IRAG2: variants seen among roughly 807,000 people sequenced by gnomAD.
IRAG2 encodes the protein lymphoid restricted membrane protein.
IRAG2 carries 45 observed loss-of-function variants against 69.9 expected under a neutral mutation model. The observed-to-expected ratio is 0.64, with a 90% CI of 0.51 to 0.83. IRAG2 has a LOEUF of 0.83. Ranked by LOEUF, IRAG2 falls within the 40% of genes least tolerant of loss-of-function variation. The pLI is 0.00. For missense variants in IRAG2, 520 were observed against 587.0 expected, an observed-to-expected ratio of 0.89 and a Z score of 1.18; for synonymous variants, 193 against 202.4, an observed-to-expected ratio of 0.95 and a Z score of 0.40.
chr12:25,071,083 A>G (rs1490411844), intron 6 of IRAG2, among the ~76,000 whole-genome samples: 1 of 152,180 alleles, frequency 6.6e-6, no homozygotes, highest in Non-Finnish European at 1.5e-5. Flanking sequence ...GCAGCTAAGA[A>G]AAAGGAAATG....
Position 25,077,319 on chromosome 12 carries a change from T to TATATG in IRAG2, c.25-1921_25-1920insGATAT. On this transcript the variant is annotated intron_variant, in intron 6 of 21. Coordinates refer to ENST00000556887, the MANE Select transcript of IRAG2 (RefSeq NM_001366544.2). ...TATGAAATATATATGATATATATGA[T>TATATG]ATATATATGATATATATATGAAATA... Among the ~76,000 whole-genome samples, 2 of 27,730 alleles carry TATATG rather than the reference T, an allele frequency of 7.2e-5. 1 individual carries two copies. Among genetic ancestry groups the TATATG allele is most frequent in the East Asian group, 3.5e-3 (2 of 574 alleles). The allele number at this position is 27,730 out of a possible 152,430, so 18.2% of individuals were successfully genotyped here. A position where few individuals can be genotyped will look rare whatever the true frequency, so the allele number is the denominator to read the frequency against.
intron 19 of IRAG2, 44 bp downstream of exon 19, chr12:25,104,102 T>C (rs1447504728): frequency 2.6e-6 from 4 of 1,554,346 alleles, no homozygotes; most frequent in Admixed American, 1.7e-5. Flanking sequence ...CTTACTATTT[T>C]ATACTTGGGC....
At chr12:25,004,305 T>C (rs561248182), upstream of IRAG2, 220 of 1,217,370 alleles carry the variant, frequency 1.8e-4, no homozygotes, top group Non-Finnish European at 2.1e-4. Flanking sequence ...GCCTATACTT[T>C]AGCCACTTCA....
At chr12:25,044,515 T>C (rs957516717) in intron 16 of IRAG2, among the ~76,000 whole-genome samples, 4 of 152,122 alleles carry the variant, frequency 2.6e-5, no homozygotes, top group African/African-American at 9.7e-5. Context: ...GATTCAACTA[T>C]ATGCTGTCTC....
chr12:25,015,155 GTTTT>G (rs11352951), intron 3 of IRAG2: 2,775 of 889,868 alleles, frequency 3.1e-3, no homozygotes, highest in East Asian at 7.7e-3. Context: ...CACTGGTTTT[GTTTT>G]TTTTTTTTTT....
At chr12:25,081,377 T>C (rs1429966511) in intron 9 of IRAG2, among the ~76,000 whole-genome samples, 3 of 152,148 alleles carry the variant, frequency 2.0e-5, no homozygotes, top group Non-Finnish European at 4.4e-5. Flanking sequence ...GGCAGGAGAA[T>C]GGCGTGAACC....
exon 1 of IRAG2, chr12:25,004,636 A>T: frequency 8.1e-7 from 1 of 1,231,946 alleles, no homozygotes; most frequent in Non-Finnish European, 1.0e-6. Context: ...AACCCCATCC[A>T]CCTCTCACCT....
chr12:25,104,397 C>A lies in IRAG2; in HGVS notation c.1083C>A (p.Pro361=), dbSNP rs901324492. The A allele has an allele frequency of 6.2e-7, 1 of 1,613,288 alleles. No individual in the cohort carries two copies. The highest frequency in any genetic ancestry group is 2.2e-5 in the East Asian group (1 of 44,824). Residue 361 remains proline (P), a synonymous_variant, in exon 20 of 22, where the codon CCC becomes CCA. Coordinates refer to ENST00000556887, the MANE Select transcript of IRAG2 (RefSeq NM_001366544.2). ...GGTCAAAGCAGAGTGAACACCGTCC[C>A]TCATTACCTCGATTTATTAGCACCT... ...ILGSKQSEHR[P]SLPRFISTYS... is the part of the protein sequence containing the mutation.
At chr12:25,052,545 G>GC (rs909136234), upstream of IRAG2, 5 of 396,930 alleles carry the variant, frequency 1.3e-5, no homozygotes, top group Non-Finnish European at 2.2e-5. Context: ...GGTATCAACA[G>GC]CCTGCTGATG....
chr12:25,000,312 T>G (rs1944382237), upstream of IRAG2, among the ~76,000 whole-genome samples: 1 of 152,136 alleles, frequency 6.6e-6, no homozygotes, highest in Non-Finnish European at 1.5e-5. Context: ...CTGGGCATAG[T>G]GGCATGTGCC....
intron 6 of IRAG2, among the ~76,000 whole-genome samples, chr12:25,077,374 T>TAAATATGATATATATATGAA (rs1946882984): frequency 1.6e-5 from 1 of 61,644 alleles, no homozygotes; most frequent in African/African-American, 6.2e-5. Context: ...ATATATGAAA[T>TAAATATGATATATATATGAA]ATATATATGA....
rs773141811 is a variant in IRAG2 at position 25,104,392 on chromosome 12, C to T, written c.1078C>T (p.Arg360Cys). ...TTTGGGGTCAAAGCAGAGTGAACAC[C>T]GTCCCTCATTACCTCGATTTATTAG... The part of the protein sequence containing the change: ...RILGSKQSEH[R>C]PSLPRFISTY... The change falls in exon 20 of 22, where the codon CGT becomes TGT. Residue 360 changes from arginine to cysteine, a missense_variant. Coordinates refer to ENST00000556887, the MANE Select transcript of IRAG2 (RefSeq NM_001366544.2). 12 of 1,612,830 alleles carry T rather than the reference C, an allele frequency of 7.4e-6. No homozygotes were observed. Among genetic ancestry groups the T allele is most frequent in the Middle Eastern group, 1.7e-4 (1 of 6,058 alleles).
intron 9 of IRAG2, among the ~76,000 whole-genome samples, chr12:25,030,111 G>C (rs1044582017): frequency 6.6e-6 from 1 of 152,108 alleles, no homozygotes; most frequent in Non-Finnish European, 1.5e-5. Flanking sequence ...GGTAACATGA[G>C]AGCAATGATG....
rs889106279 is a variant in IRAG2 at position 25,066,417 on chromosome 12, T to C, written c.-154T>C. 1 of 401,158 alleles carries C rather than the reference T, an allele frequency of 2.5e-6. No individual in the cohort carries two copies. Among genetic ancestry groups the C allele is most frequent in the Admixed American group, 4.4e-5 (1 of 22,742 alleles). 24.8% of individuals were successfully genotyped at this position (401,158 alleles called of 1,614,324 possible). On this transcript the variant is annotated 5_prime_UTR_variant, in exon 5 of 22. Coordinates refer to ENST00000556887, the MANE Select transcript of IRAG2 (RefSeq NM_001366544.2). ...CAGTTCCAACCCTGGAATCAACACC[T>C]TTCTCAGGTGTAGCCAACCAAATCC...
intron 14 of IRAG2, among the ~76,000 whole-genome samples, chr12:25,092,435 C>A (rs1565580545): frequency 6.8e-6 from 1 of 147,144 alleles, no homozygotes; most frequent in Non-Finnish European, 1.5e-5. Context: ...CATAGTGGGA[C>A]ACACCTGTAA....
chr12:25,002,626 ATTC>A (rs749319927), upstream of IRAG2, among the ~76,000 whole-genome samples: 7 of 135,338 alleles, frequency 5.2e-5, no homozygotes, highest in East Asian at 2.3e-4. Flanking sequence ...TTGAGAGATC[ATTC>A]TTCTTCTTCT....
intron 12 of IRAG2, among the ~76,000 whole-genome samples, chr12:25,032,863 A>G (rs1007666075): frequency 6.6e-6 from 1 of 152,120 alleles, no homozygotes; most frequent in Non-Finnish European, 1.5e-5. Flanking sequence ...AATTCAATAT[A>G]TGAAATAATG....
intron 1 of IRAG2, among the ~76,000 whole-genome samples, chr12:25,057,597 C>A (rs1450644781): frequency 6.6e-6 from 1 of 152,082 alleles, no homozygotes; most frequent in African/African-American, 2.4e-5. Flanking sequence ...AACCCTATTT[C>A]TCTCATAATC....
chr12:25,105,241 T>A (rs934596970), intron 20 of IRAG2, among the ~76,000 whole-genome samples: 12 of 151,936 alleles, frequency 7.9e-5, no homozygotes, highest in African/African-American at 2.9e-4. Context: ...CACGCCCGGC[T>A]AATTTTTAAT....
Sources: allele counts gnomAD v4.1 joint callset (sites outside exome capture counted in the v4.1 genomes callset), GRCh38; gene constraint gnomAD v4.1.1; transcripts MANE v1.5; gene names NCBI Gene and HGNC (gene_info 2026-07-23, HGNC 2026-07-21).